The following CD44 variants were observed in gnomAD, a reference collection of about 807,000 sequenced individuals.
CD44 encodes CD44 antigen.
A neutral mutation model predicts 88.8 loss-of-function variants in CD44; 49 were observed. The observed-to-expected ratio is 0.55, with a 90% CI of 0.44 to 0.70. CD44 has a LOEUF of 0.70. CD44 is among the 30% of genes least tolerant of loss of function. The pLI, the probability that CD44 is intolerant of heterozygous loss-of-function variation, is 0.00. For missense variants in CD44, 883 were observed against 913.8 expected, an observed-to-expected ratio of 0.97 and a Z score of 0.43; for synonymous variants, 325 against 312.3, an observed-to-expected ratio of 1.04 and a Z score of -0.43.
At chr11:35,176,486 CT>C in intron 1 of CD44, 88 bp from the exon 2 acceptor site, 1 of 1,309,114 alleles carries the variant, frequency 7.6e-7, no homozygotes, top group African/African-American at 1.5e-5. Flanking sequence ...CCTTATTTGA[CT>C]TTTTAAGGAG....
chr11:35,228,497 G>T (rs898605767), intron 17 of CD44, among the ~76,000 whole-genome samples: 7 of 152,204 alleles, frequency 4.6e-5, no homozygotes, highest in African/African-American at 1.4e-4. Flanking sequence ...TCATCATGTT[G>T]ATGGTTTATC....
chr11:35,197,110 G>A (rs1357663219), intron 6 of CD44: 1 of 362,370 alleles, frequency 2.8e-6, no homozygotes, highest in Non-Finnish European at 5.0e-6. Context: ...CTAATACAGA[G>A]ACTATGAAAC....
chr11:35,201,769 C>G lies in CD44; in HGVS notation c.1135C>G (p.Pro379Ala), dbSNP rs770767675. ...TGAGCATCATGAGGAAGAAGAGACCCCACATTCTACAAGCACAAGTAAGCA... is the reference window on the plus strand; with the variant it reads ...TGAGCATCATGAGGAAGAAGAGACCGCACATTCTACAAGCACAAGTAAGCA... ...HHEHHEEEETPHSTSTIQATP... is the reference protein window; with the variant it reads ...HHEHHEEEETAHSTSTIQATP... Residue 379 changes from proline (P) to alanine (A), a missense_variant, in exon 9 of 18, where the codon CCA (proline) becomes GCA (alanine). Pro to Ala is a conservative substitution (Grantham distance 27). Transcript: ENST00000428726. 1.2e-4 allele frequency: 198 copies of G among 1,613,680 alleles called. 2 individuals are homozygous for G. In the East Asian group the frequency reaches 4.3e-3, roughly 35 times the overall value.
chr11:35,216,570 G>A (rs930953368), intron 15 of CD44, among the ~76,000 whole-genome samples: 7 of 152,190 alleles, frequency 4.6e-5, no homozygotes, highest in African/African-American at 1.4e-4. Flanking sequence ...GTTCACTGGG[G>A]ACTTTAGGCA....
intron 6 of CD44, chr11:35,197,719 CAAAA>C (rs550761818): frequency 2.7e-4 from 22 of 81,090 alleles, no homozygotes; most frequent in Non-Finnish European, 4.1e-4. Flanking sequence ...GTGTCTTGAC[CAAAA>C]AAAAAAAAAA....
chr11:35,219,268 G>A, intron 15 of CD44, 48 bp from the exon 16 acceptor site: 2 of 1,411,682 alleles, frequency 1.4e-6, no homozygotes, highest in African/African-American at 1.4e-5. Flanking sequence ...AGGAACTCAT[G>A]GTTACACATT....
At chr11:35,221,811 C>A in intron 17 of CD44, 79 bp downstream of exon 17, 2 of 1,301,408 alleles carry the variant, frequency 1.5e-6, no homozygotes. Flanking sequence ...CTGCTCAGAG[C>A]GTAGTCCCTG....
At chr11:35,165,514 C>A (rs1407284254) in intron 1 of CD44, among the ~76,000 whole-genome samples, 1 of 152,170 alleles carries the variant, frequency 6.6e-6, no homozygotes, top group Non-Finnish European at 1.5e-5. Context: ...GAAACTGCTA[C>A]GTGGCAAGAA....
chr11:35,146,014 C>G (rs1271133535), intron 1 of CD44, among the ~76,000 whole-genome samples: 1 of 149,796 alleles, frequency 6.7e-6, no homozygotes, highest in African/African-American at 2.5e-5. Flanking sequence ...GTCTGCCCAG[C>G]TAGACCTGAG....
chr11:35,196,449 A>G (rs1946756287), intron 5 of CD44, among the ~76,000 whole-genome samples: 1 of 152,142 alleles, frequency 6.6e-6, no homozygotes, highest in Non-Finnish European at 1.5e-5. Context: ...ACTCTTGCTA[A>G]TTAGGCTTCT....
At position 35,221,839 on chromosome 11, in the gene CD44, A is replaced by G. The variant is rs1243107135; in HGVS notation, c.2024+107A>G. 8 of 1,004,200 alleles carry G rather than the reference A, an allele frequency of 8.0e-6. No individual in the cohort carries two copies. The African/African-American group carries it at 9.6e-5, about 12-fold the overall frequency. The allele number at this position is 1,004,200 out of a possible 1,614,324, so 62.2% of individuals were successfully genotyped here. A position where few individuals can be genotyped will look rare whatever the true frequency, so the allele number is the denominator to read the frequency against. On this transcript the variant is annotated intron_variant, in intron 17 of 17. Transcript: ENST00000428726. ...AGTCCCTGGAACCAGCAGCCTGGGT[A>G]CCCTGGGAGTTTGTTGGAAATGCAC...
At chr11:35,165,332 C>G (rs1943137024) in intron 1 of CD44, among the ~76,000 whole-genome samples, 1 of 152,180 alleles carries the variant, frequency 6.6e-6, no homozygotes, top group South Asian at 2.1e-4. Context: ...GGAAAATTAG[C>G]AGAACTGGAA....
At position 35,206,154 on chromosome 11, in the gene CD44, C is replaced by T. The variant is rs1411642715; in HGVS notation, c.1325C>T (p.Thr442Ile). Reference sequence around the variant, plus strand: ...AGCCATCCAATGCAAGGAAGGACAACACCAAGCCCAGAGGACAGTTCCTGG... The same window carrying T: ...AGCCATCCAATGCAAGGAAGGACAATACCAAGCCCAGAGGACAGTTCCTGG... ...HTSHPMQGRT[T>I]PSPEDSSWTD... The change falls in exon 11 of 18, where the codon ACA becomes ATA. Residue 442 changes from threonine (T) to isoleucine (I), a missense_variant. Transcript: ENST00000428726. The T allele has an allele frequency of 1.9e-6, 3 of 1,611,954 alleles. No individual in the cohort carries two copies. The Admixed American group carries it at 5.0e-5, about 27-fold the overall frequency.
chr11:35,195,389 C>T (rs998437218), intron 5 of CD44, among the ~76,000 whole-genome samples: 4 of 151,222 alleles, frequency 2.6e-5, no homozygotes, highest in African/African-American at 9.7e-5. Flanking sequence ...TTATGGTTGC[C>T]ATATCACAAT....
intron 3 of CD44, among the ~76,000 whole-genome samples, chr11:35,181,137 A>G (rs1052179211): frequency 6.6e-6 from 1 of 152,186 alleles, no homozygotes; most frequent in Admixed American, 6.5e-5. Flanking sequence ...TGTAAGTCAA[A>G]TGTCTTAGCT....
intron 17 of CD44, chr11:35,222,849 C>A: frequency 1.0e-6 from 1 of 985,182 alleles, no homozygotes; most frequent in Non-Finnish European, 1.2e-6. Flanking sequence ...GCAGGACCAC[C>A]TTTATTGTGT....
chr11:35,198,024 C>T, intron 6 of CD44, 97 bp from the exon 7 acceptor site: 1 of 1,318,758 alleles, frequency 7.6e-7, no homozygotes, highest in Non-Finnish European at 1.0e-6. Flanking sequence ...TTTAAAAATC[C>T]TGGGAAATCC....
intron 16 of CD44, 121 bp downstream of exon 16, chr11:35,219,508 A>G: frequency 1.4e-6 from 1 of 708,278 alleles, no homozygotes; most frequent in Non-Finnish European, 2.5e-6. Flanking sequence ...TATGAATCCA[A>G]TTGCTCCTCT....
At chr11:35,193,212 C>G (rs1946441451) in intron 5 of CD44, among the ~76,000 whole-genome samples, 1 of 152,118 alleles carries the variant, frequency 6.6e-6, no homozygotes, top group Non-Finnish European at 1.5e-5. Context: ...TCCTGGGCCA[C>G]ACATAAAATA....
Sources: allele counts gnomAD v4.1 joint callset (sites outside exome capture counted in the v4.1 genomes callset), GRCh38; gene constraint gnomAD v4.1.1; transcripts MANE v1.5; gene names NCBI Gene and HGNC (gene_info 2026-07-23, HGNC 2026-07-21).